FER1L6: variants seen among roughly 807,000 people sequenced by gnomAD.
The protein encoded by FER1L6 is fer-1 like family member 6, also known as fer-1-like protein 6.
In FER1L6, 177 loss-of-function variants were observed where a neutral mutation model predicts 219.2. That is an observed-to-expected ratio of 0.81 (90% CI 0.71 to 0.91). The LOEUF (loss-of-function observed/expected upper bound fraction) is 0.91, where lower values mean the gene tolerates loss of function less well. FER1L6 is among the 40% of genes least tolerant of loss of function. FER1L6 has a pLI of 0.00. For missense variants in FER1L6, 2,153 were observed against 2,259.9 expected (o/e 0.95, Z 0.96); for synonymous variants, 768 against 824.3 (o/e 0.93, Z 1.17).
chr8:123,904,067 A>C (rs1392036301), intron 1 of FER1L6, among the ~76,000 whole-genome samples: 1 of 152,192 alleles, frequency 6.6e-6, no homozygotes. Flanking sequence ...TCAAGAACAC[A>C]GGGCAGTAGA....
chr8:124,015,717 A>G (rs966114140), intron 15 of FER1L6, among the ~76,000 whole-genome samples: 4 of 151,316 alleles, frequency 2.6e-5, no homozygotes, highest in Non-Finnish European at 5.9e-5. Context: ...GAGCAAATTA[A>G]AAGCTCAATA....
intron 5 of FER1L6, among the ~76,000 whole-genome samples, chr8:123,967,913 G>T (rs565335115): frequency 2.0e-5 from 3 of 151,578 alleles, no homozygotes; most frequent in Non-Finnish European, 1.5e-5. Flanking sequence ...CCGAGATTTC[G>T]CAACTGCACT....
chr8:124,118,913 C>T lies in FER1L6; in HGVS notation c.5359C>T (p.Arg1787Ter), dbSNP rs747557262. 1.7e-5 allele frequency: 28 copies of T among 1,613,630 alleles called. No homozygotes were observed. The highest frequency in any genetic ancestry group is 5.5e-5 in the South Asian group (5 of 91,064). ...TGAGAAAAATCCTGTTGGAAAAGCCCGAAAGGAGCCAGAGCCCCTGGCCAA... is the reference window on the plus strand; with the variant it reads ...TGAGAAAAATCCTGTTGGAAAAGCCTGAAAGGAGCCAGAGCCCCTGGCCAA... Reference protein sequence around the residue: ...EAEKNPVGKARKEPEPLAKPN... With the variant: ...EAEKNPVGKA Residue 1787 changes from arginine (R) to a stop codon, truncating the protein, a stop_gained, in exon 40 of 41, where the codon CGA (arginine) becomes TGA (stop). Coordinates refer to ENST00000522917, the MANE Select transcript of FER1L6 (RefSeq NM_001039112.2). LOFTEE classifies it high-confidence loss of function.
At chr8:123,922,947 G>T (rs1259366429) in intron 1 of FER1L6, among the ~76,000 whole-genome samples, 1 of 149,354 alleles carries the variant, frequency 6.7e-6, no homozygotes, top group Non-Finnish European at 1.5e-5. Flanking sequence ...TGGCTTCGGA[G>T]AACTCAATAG....
chr8:124,065,687 T>G (rs969357593), intron 26 of FER1L6, among the ~76,000 whole-genome samples: 1 of 152,212 alleles, frequency 6.6e-6, no homozygotes, highest in Non-Finnish European at 1.5e-5. Flanking sequence ...AGAGAAGAGA[T>G]AATTTTTCAA....
At chr8:123,956,717 T>A (rs1815039123) in intron 2 of FER1L6, among the ~76,000 whole-genome samples, 1 of 152,200 alleles carries the variant, frequency 6.6e-6, no homozygotes, top group Non-Finnish European at 1.5e-5. Flanking sequence ...GCAATGAGGC[T>A]CTTCTGAGCT....
intron 21 of FER1L6, among the ~76,000 whole-genome samples, chr8:124,047,223 G>A (rs1563764312): frequency 6.6e-6 from 1 of 152,232 alleles, no homozygotes. Flanking sequence ...GTGGTTAGGA[G>A]CACAAACTTT....
At chr8:124,079,478 T>C (rs1471024166) in intron 32 of FER1L6, among the ~76,000 whole-genome samples, 2 of 152,180 alleles carry the variant, frequency 1.3e-5, no homozygotes, top group African/African-American at 2.4e-5. Context: ...AATGCCACCA[T>C]AGCAACACCT....
At chr8:124,071,079 G>A (rs1821048419) in intron 30 of FER1L6, among the ~76,000 whole-genome samples, 1 of 152,180 alleles carries the variant, frequency 6.6e-6, no homozygotes, top group East Asian at 1.9e-4. Context: ...TGCCCATCTG[G>A]ATTCAAATTC....
intron 5 of FER1L6, among the ~76,000 whole-genome samples, chr8:123,967,081 C>CAAAA (rs34800682): frequency 1.1e-5 from 1 of 92,348 alleles, no homozygotes; most frequent in Non-Finnish European, 2.2e-5. Flanking sequence ...GACTCCACCT[C>CAAAA]AAAAAAAAAA....
At chr8:123,974,659 CAAAAAAAAAAA>C (rs994690186) in intron 7 of FER1L6, among the ~76,000 whole-genome samples, 8 of 47,790 alleles carry the variant, frequency 1.7e-4, no homozygotes, top group Middle Eastern at 0.027. Context: ...GACTCTGTCT[CAAAAAAAAAAA>C]AAAAAAAAAA....
chr8:123,866,042 C>T (rs1816832593), intron 1 of FER1L6, among the ~76,000 whole-genome samples: 1 of 151,744 alleles, frequency 6.6e-6, no homozygotes, highest in African/African-American at 2.4e-5. Context: ...CACTGTTGGA[C>T]ATTTGGGTTG....
chr8:124,019,568 C>G (rs1369505425), intron 16 of FER1L6, among the ~76,000 whole-genome samples: 1 of 152,216 alleles, frequency 6.6e-6, no homozygotes, highest in African/African-American at 2.4e-5. Flanking sequence ...CCACACACTC[C>G]TCTAGATGCT....
intron 18 of FER1L6, among the ~76,000 whole-genome samples, chr8:124,030,084 G>A (rs1017471845): frequency 6.6e-6 from 1 of 152,146 alleles, no homozygotes; most frequent in Non-Finnish European, 1.5e-5. Flanking sequence ...TAGATGTGTG[G>A]TGTTATTTCT....
intron 1 of FER1L6, among the ~76,000 whole-genome samples, chr8:123,876,611 C>T (rs896663151): frequency 6.6e-6 from 1 of 152,198 alleles, no homozygotes; most frequent in African/African-American, 2.4e-5. Context: ...TAGGCATGAG[C>T]CACTGTGCCC....
intron 20 of FER1L6, chr8:124,040,473 T>C (rs551053972): frequency 1.0e-5 from 2 of 195,376 alleles, no homozygotes; most frequent in African/African-American, 4.6e-5. Context: ...TTAACATCTT[T>C]ATGCTTCACA....
At chr8:124,047,767 G>C (rs1819803629) in intron 21 of FER1L6, 1 of 152,198 alleles carries the variant, frequency 6.6e-6, no homozygotes, top group Non-Finnish European at 1.5e-5. Context: ...AATACATGTA[G>C]ACATGCAAAA....
intron 13 of FER1L6, among the ~76,000 whole-genome samples, chr8:124,007,015 G>C (rs1363500267): frequency 5.9e-5 from 9 of 152,164 alleles, no homozygotes; most frequent in African/African-American, 2.2e-4. Context: ...AGATAAAGTA[G>C]AGCAGTTTGG....
intron 1 of FER1L6, among the ~76,000 whole-genome samples, chr8:123,914,297 TA>T (rs1365020939): frequency 3.9e-5 from 6 of 152,222 alleles, no homozygotes; most frequent in Non-Finnish European, 7.3e-5. Context: ...TGGTCTCTTC[TA>T]ATGATGTTTT....
Sources: gnomAD v4.1 joint callset for allele counts (sites outside exome capture counted in the v4.1 genomes callset) on GRCh38, gnomAD v4.1.1 for gene constraint, MANE v1.5 for transcripts, NCBI Gene and HGNC (gene_info 2026-07-23, HGNC 2026-07-21) for gene names.